SLC11A2: variants seen among roughly 807,000 people sequenced by gnomAD.
SLC11A2 encodes the protein solute carrier family 11 member 2, also known as natural resistance-associated macrophage protein 2.
Under a neutral mutation model 68.0 loss-of-function variants are expected in SLC11A2, and 38 were observed. The observed-to-expected ratio is 0.56, with a 90% CI of 0.43 to 0.73. The LOEUF is 0.73. Among genes scored for constraint, SLC11A2 ranks in the 30% least tolerant of loss-of-function variants. The probability of loss-of-function intolerance (pLI) is 0.00; values close to 1 mark genes in which losing one functional copy is unlikely to be tolerated. For missense variants in SLC11A2, 517 were observed against 690.5 expected, an observed-to-expected ratio of 0.75 and a Z score of 2.82; for synonymous variants, 242 against 250.6, an observed-to-expected ratio of 0.97 and a Z score of 0.32.
intron 1 of SLC11A2, among the ~76,000 whole-genome samples, chr12:51,017,661 AT>A (rs1176419055): frequency 2.0e-5 from 3 of 152,198 alleles, no homozygotes; most frequent in African/African-American, 4.8e-5. Flanking sequence ...CTCAACAAAC[AT>A]TTTAGGGATG....
chr12:50,971,964 A>C, the SLC11A2 span, among the ~76,000 whole-genome samples: 69 of 152,368 alleles, frequency 4.5e-4, no homozygotes, highest in Admixed American at 1.4e-3. Context: ...ATCTATCATG[A>C]AGATCTTCTA....
rs140454937 is a variant in SLC11A2, at chr12:51,005,259, T to A, written c.309+52A>T. 613 of 1,593,812 alleles carry A rather than the reference T, an allele frequency of 3.8e-4. 2 individuals carry two copies. The African/African-American group carries it at 7.4e-3, about 19-fold the overall frequency. On this transcript the variant is annotated intron_variant, in intron 4 of 15. Transcript: ENST00000262052. ...CCAACATGCAGGGTGGAGAAAAGGATGTGAGAGTGTATTATGTGCTTAAAA... is the reference window on the plus strand; with the variant it reads ...CCAACATGCAGGGTGGAGAAAAGGAAGTGAGAGTGTATTATGTGCTTAAAA...
At chr12:51,010,896 C>A in intron 1 of SLC11A2, 130 bp from the exon 2 acceptor site, 1 of 474,764 alleles carries the variant, frequency 2.1e-6, no homozygotes, top group East Asian at 3.1e-5. Context: ...AATTAGGTAA[C>A]CTTGAAAATA....
chr12:50,986,679 T>C lies in SLC11A2; in HGVS notation c.*1646A>G. ...GTGCCTTTATGACCAGTTTGGAGAA[T>C]TACGATGGTAAGGGGAAGAGGCAGA... is the stretch of plus-strand genomic sequence containing the variant. On this transcript the variant is annotated 3_prime_UTR_variant, in exon 16 of 16. Coordinates refer to ENST00000262052, the MANE Select transcript of SLC11A2 (RefSeq NM_000617.3). 4.7e-6 allele frequency: 6 copies of C among 1,286,764 alleles called. No individual in the cohort carries two copies. The highest frequency in any genetic ancestry group is 6.1e-6 in the Non-Finnish European group (6 of 988,384). The allele number at this position is 1,286,764 out of a possible 1,614,324, so 79.7% of individuals were successfully genotyped here.
At chr12:50,995,554 T>C in intron 10 of SLC11A2, 75 bp downstream of exon 10, 1 of 1,400,606 alleles carries the variant, frequency 7.1e-7, no homozygotes, top group Non-Finnish European at 1.0e-6. Context: ...GGATGAGGTA[T>C]TTTCCTTCCC....
intron 1 of SLC11A2, among the ~76,000 whole-genome samples, chr12:51,013,616 T>C (rs1943406269): frequency 6.6e-6 from 1 of 151,886 alleles, no homozygotes; most frequent in Admixed American, 6.6e-5. Context: ...AGTGCATGTC[T>C]GTGGTGCCAG....
Position 51,008,631 on chromosome 12 carries a change from T to G in SLC11A2, c.35-7A>C, listed in dbSNP as rs1942953804. ...TGATCTCCAGAAACACTGTCTGAAT[T>G]AACAGATTTGAAAATAAATTAGTAA... On this transcript the variant is annotated splice_region_variant and splice_polypyrimidine_tract_variant and intron_variant, in intron 2 of 15. Coordinates refer to ENST00000262052, the MANE Select transcript of SLC11A2 (RefSeq NM_000617.3). The G allele has an allele frequency of 1.9e-6, 3 of 1,608,370 alleles. No individual in the cohort carries two copies. The highest frequency in any genetic ancestry group is 1.7e-4 in the Middle Eastern group (1 of 6,042).
chr12:50,961,524 T>C, the SLC11A2 span, among the ~76,000 whole-genome samples: 2 of 152,100 alleles, frequency 1.3e-5, no homozygotes. Flanking sequence ...ATTTTTAGAG[T>C]CCACAAATCT....
chr12:50,992,893 G>C lies in SLC11A2; in HGVS notation c.1114C>G (p.Leu372Val). ...AGGATCCCCACTGCCCAAATGTAGA[G>C]TGCAGCAGGCCCAAAGTAACATCCC... The part of the protein sequence containing the change: ...VLGCYFGPAA[L>V]YIWAVGILAA... Residue 372 changes from leucine to valine, a missense_variant, in exon 12 of 16, where the codon CTC becomes GTC. Coordinates refer to ENST00000262052, the MANE Select transcript of SLC11A2 (RefSeq NM_000617.3). 1 of 1,614,056 alleles carries C rather than the reference G, an allele frequency of 6.2e-7. No homozygotes were observed.
chr12:51,023,330 C>T (rs1170549151), intron 1 of SLC11A2, among the ~76,000 whole-genome samples: 2 of 152,126 alleles, frequency 1.3e-5, no homozygotes, highest in Non-Finnish European at 2.9e-5. Context: ...GCCTGTAGTC[C>T]CAGCAACTCA....
chr12:51,008,332 T>TATATATAG lies in SLC11A2; in HGVS notation c.183+136_183+143dup, dbSNP rs1442210553. 110 of 652,242 alleles carry TATATATAG rather than the reference T, an allele frequency of 1.7e-4. 2 individuals carry two copies. Among genetic ancestry groups the TATATATAG allele is most frequent in the East Asian group, 1.2e-4 (4 of 34,778 alleles). 40.4% of individuals were successfully genotyped at this position (652,242 alleles called of 1,614,324 possible). On this transcript the variant is annotated intron_variant, in intron 3 of 15. Transcript: ENST00000262052. Reference sequence around the variant, plus strand: ...GTGTGTGTGTGTGTGTGTGTATATATATATATAGATATATAGATATAGTCT... The same window carrying TATATATAG: ...GTGTGTGTGTGTGTGTGTGTATATATATATATAGATATATAGATATATAGATATAGTCT...
chr12:51,013,174 T>C (rs1252156010), intron 1 of SLC11A2, among the ~76,000 whole-genome samples: 1 of 152,194 alleles, frequency 6.6e-6, no homozygotes, highest in East Asian at 1.9e-4. Flanking sequence ...CTATTTGATA[T>C]GAGGCAAACA....
At chr12:51,004,667 T>C in intron 5 of SLC11A2, 121 bp downstream of exon 5, 1 of 1,051,892 alleles carries the variant, frequency 9.5e-7, no homozygotes. Context: ...CCGTCTGTCT[T>C]CAGGGCCACT....
intron 12 of SLC11A2, 101 bp downstream of exon 12, chr12:50,992,709 G>A: frequency 2.3e-6 from 3 of 1,316,710 alleles, no homozygotes; most frequent in South Asian, 1.2e-5. Context: ...TCCAACTTGG[G>A]CGACGAGTGA....
At chr12:51,005,003 G>A (rs145765174) in intron 4 of SLC11A2, 96 bp from the exon 5 acceptor site, 223 of 1,423,474 alleles carry the variant, frequency 1.6e-4, no homozygotes, top group Non-Finnish European at 2.1e-4. Flanking sequence ...GGTAAATACT[G>A]CATTCAGAAA....
downstream of SLC11A2, among the ~76,000 whole-genome samples, chr12:50,984,748 T>C (rs1449311807): frequency 1.3e-5 from 2 of 152,200 alleles, no homozygotes; most frequent in African/African-American, 2.4e-5. Flanking sequence ...AAACTTACTT[T>C]TAAAAATTCT....
the SLC11A2 span, among the ~76,000 whole-genome samples, chr12:50,969,291 C>T: frequency 4.7e-5 from 7 of 149,816 alleles, no homozygotes; most frequent in Middle Eastern, 0.01. Flanking sequence ...GAGACCCCAT[C>T]TCAAAAAAAT....
downstream of SLC11A2, among the ~76,000 whole-genome samples, chr12:50,977,667 G>A (rs977959902): frequency 2.3e-4 from 35 of 152,102 alleles, no homozygotes; most frequent in African/African-American, 7.0e-4. Context: ...AAACTAAAGA[G>A]CTTCTGCACA....
chr12:50,992,014 A>G (rs1941198955), intron 13 of SLC11A2, among the ~76,000 whole-genome samples, 176 bp downstream of exon 13: 1 of 152,208 alleles, frequency 6.6e-6, no homozygotes, highest in African/African-American at 2.4e-5. Flanking sequence ...TAAAAAACCA[A>G]CCATTTCTAA....
Sources: allele counts gnomAD v4.1 joint callset (sites outside exome capture counted in the v4.1 genomes callset), GRCh38; gene constraint gnomAD v4.1.1; transcripts MANE v1.5; gene names NCBI Gene and HGNC (gene_info 2026-07-23, HGNC 2026-07-21).